ULK4: variants seen among roughly 807,000 people sequenced by gnomAD.
The protein encoded by ULK4 is inactive serine/threonine-protein kinase ULK4.
A neutral mutation model predicts 160.6 loss-of-function variants in ULK4; 133 were observed. The observed-to-expected ratio is 0.83, with a 90% CI of 0.72 to 0.96. The LOEUF is 0.96. ULK4 is among the 40% of genes least tolerant of loss of function. The probability of loss-of-function intolerance (pLI) is 0.00; values close to 1 mark genes in which losing one functional copy is unlikely to be tolerated. For missense variants in ULK4, 1,580 were observed against 1,499.5 expected (o/e 1.05, Z -0.89); for synonymous variants, 534 against 539.8 (o/e 0.99, Z 0.15).
At chr3:41,836,010 TG>T in intron 17 of ULK4, 39 bp from the exon 18 acceptor site, 1 of 1,353,748 alleles carries the variant, frequency 7.4e-7, no homozygotes, top group Non-Finnish European at 1.0e-6. Flanking sequence ...TTATTTCAAA[TG>T]TATCTCTCAG....
chr3:41,772,013 T>C (rs1031971737), intron 21 of ULK4, among the ~76,000 whole-genome samples: 9 of 152,192 alleles, frequency 5.9e-5, no homozygotes, highest in Non-Finnish European at 1.2e-4. Flanking sequence ...ATGCTCACTC[T>C]GGTGGGTTAC....
At chr3:41,370,695 C>T (rs1451593906) in intron 35 of ULK4, among the ~76,000 whole-genome samples, 1 of 152,184 alleles carries the variant, frequency 6.6e-6, no homozygotes, top group East Asian at 1.9e-4. Flanking sequence ...GTGCCTACAC[C>T]ACAAAAGCCC....
chr3:41,393,701 C>T (rs2082000670), intron 35 of ULK4, among the ~76,000 whole-genome samples: 1 of 152,172 alleles, frequency 6.6e-6, no homozygotes, highest in Non-Finnish European at 1.5e-5. Context: ...TGGTGCAGTG[C>T]TTTGCACATA....
At chr3:41,690,467 A>T (rs2036259099) in intron 27 of ULK4, among the ~76,000 whole-genome samples, 1 of 151,190 alleles carries the variant, frequency 6.6e-6, no homozygotes, top group Admixed American at 6.6e-5. Flanking sequence ...AATAATTTTT[A>T]AAAAAGAAAA....
intron 25 of ULK4, among the ~76,000 whole-genome samples, chr3:41,710,055 T>C (rs2037039070): frequency 6.6e-6 from 1 of 152,188 alleles, no homozygotes; most frequent in South Asian, 2.1e-4. Flanking sequence ...TTTTCTGCCT[T>C]TCTCTTCCCT....
At chr3:41,522,717 T>C (rs1227549961) in intron 32 of ULK4, among the ~76,000 whole-genome samples, 1 of 152,100 alleles carries the variant, frequency 6.6e-6, no homozygotes, top group Non-Finnish European at 1.5e-5. Flanking sequence ...TGCTTGAAAG[T>C]TTTTAGACCA....
chr3:41,788,306 T>C (rs2040052847), intron 21 of ULK4, among the ~76,000 whole-genome samples: 1 of 152,210 alleles, frequency 6.6e-6, no homozygotes, highest in African/African-American at 2.4e-5. Flanking sequence ...AGAAGAAGCA[T>C]GGTAAACAGT....
intron 32 of ULK4, among the ~76,000 whole-genome samples, chr3:41,529,342 G>A (rs1239964923): frequency 6.6e-6 from 1 of 152,180 alleles, no homozygotes; most frequent in Non-Finnish European, 1.5e-5. Context: ...AAACCTTCAT[G>A]TAGACATGTT....
intron 17 of ULK4, among the ~76,000 whole-genome samples, chr3:41,868,190 T>C (rs188553976): frequency 2.0e-4 from 31 of 152,324 alleles, no homozygotes; most frequent in Admixed American, 1.7e-3. Flanking sequence ...ATTTTAAAAA[T>C]ATCCAACAAT....
chr3:41,783,997 G>C (rs948334247), intron 21 of ULK4, among the ~76,000 whole-genome samples: 3 of 152,132 alleles, frequency 2.0e-5, no homozygotes, highest in African/African-American at 7.2e-5. Context: ...TAACCTACAA[G>C]ATTTTTTCTT....
rs1491135487 is a variant in ULK4 at position 41,506,765 on chromosome 3, A to AAAAAAAAAAAAAATATATATAT, written c.3227-43513_3227-43512insATATATATATTTTTTTTTTTTT. ...AAAGCAATACACTGGAGTGTGATTTAAAATATATATATATATATATATATA... is the reference window on the plus strand; with the variant it reads ...AAAGCAATACACTGGAGTGTGATTTAAAAAAAAAAAAAATATATATATAAATATATATATATATATATATATA... On this transcript the variant is annotated intron_variant, in intron 32 of 36. Coordinates refer to ENST00000301831, the MANE Select transcript of ULK4 (RefSeq NM_017886.4). Among the ~76,000 whole-genome samples, 46 of 10,458 alleles carry AAAAAAAAAAAAAATATATATAT rather than the reference A, an allele frequency of 4.4e-3. 4 individuals carry two copies. The highest frequency in any genetic ancestry group is 6.3e-3 in the Non-Finnish European group (28 of 4,450). The allele number at this position is 10,458 out of a possible 152,430, so 6.9% of individuals were successfully genotyped here.
intron 35 of ULK4, among the ~76,000 whole-genome samples, chr3:41,264,803 G>A (rs1476704117): frequency 2.0e-5 from 3 of 152,126 alleles, no homozygotes; most frequent in Non-Finnish European, 2.9e-5. Flanking sequence ...GAATTTTTAC[G>A]TGAAGTCTTC....
At chr3:41,634,409 G>T (rs2033870019) in intron 30 of ULK4, among the ~76,000 whole-genome samples, 1 of 152,194 alleles carries the variant, frequency 6.6e-6, no homozygotes, top group Admixed American at 6.6e-5. Flanking sequence ...AGATGAAAGA[G>T]TTTTATTTAC....
chr3:41,489,945 C>G (rs1019103878), intron 32 of ULK4, among the ~76,000 whole-genome samples: 2 of 152,156 alleles, frequency 1.3e-5, no homozygotes, highest in Admixed American at 6.5e-5. Context: ...GAGGACAGGA[C>G]TCCCAAACTG....
At chr3:41,491,447 A>G (rs1393831866) in intron 32 of ULK4, among the ~76,000 whole-genome samples, 1 of 152,184 alleles carries the variant, frequency 6.6e-6, no homozygotes, top group Non-Finnish European at 1.5e-5. Flanking sequence ...GCACTGGAAC[A>G]TAAGTAGAAA....
At chr3:41,867,425 G>A (rs1433958898) in intron 17 of ULK4, among the ~76,000 whole-genome samples, 1 of 152,320 alleles carries the variant, frequency 6.6e-6, no homozygotes, top group Middle Eastern at 3.4e-3. Context: ...AGGCTGGAGT[G>A]CAGTGACAAG....
chr3:41,359,068 C>T (rs983135830), intron 35 of ULK4, among the ~76,000 whole-genome samples: 19 of 152,188 alleles, frequency 1.2e-4, no homozygotes, highest in Non-Finnish European at 5.9e-5. Flanking sequence ...TCACTCCCTT[C>T]AGGCCTCTGC....
chr3:41,572,234 G>A (rs552784435), intron 31 of ULK4, among the ~76,000 whole-genome samples: 2 of 152,118 alleles, frequency 1.3e-5, no homozygotes, highest in Non-Finnish European at 2.9e-5. Flanking sequence ...AGGGCAGAGT[G>A]CCAGGGTCAC....
At chr3:41,942,267 C>A (rs1262822105) in intron 2 of ULK4, among the ~76,000 whole-genome samples, 2 of 152,154 alleles carry the variant, frequency 1.3e-5, no homozygotes, top group Non-Finnish European at 2.9e-5. Flanking sequence ...ACCTGTAAAC[C>A]CAACACTTTG....
Sources: allele counts gnomAD v4.1 joint callset (sites outside exome capture counted in the v4.1 genomes callset), GRCh38; gene constraint gnomAD v4.1.1; transcripts MANE v1.5; gene names NCBI Gene and HGNC (gene_info 2026-07-23, HGNC 2026-07-21).